Variants in SOS2 observed in about 807,000 individuals in gnomAD.
SOS2 encodes the protein son of sevenless homolog 2.
In SOS2, 65 loss-of-function variants were observed where a neutral mutation model predicts 148.2. That is an observed-to-expected ratio of 0.44 (90% confidence interval 0.36 to 0.54). The LOEUF is 0.54. SOS2 is among the 20% of genes least tolerant of loss of function. SOS2 has a pLI of 0.00. For synonymous variants in SOS2, 539 were observed against 537.1 expected, an observed-to-expected ratio of 1.00 and a Z score of -0.05; for missense variants, 1,341 against 1,590.2, an observed-to-expected ratio of 0.84 and a Z score of 2.67.
chr14:50,158,290 C>G (rs889586458), intron 11 of SOS2, among the ~76,000 whole-genome samples: 1 of 151,700 alleles, frequency 6.6e-6, no homozygotes, highest in Non-Finnish European at 1.5e-5. Flanking sequence ...CATTTTATTA[C>G]ACAGAACAAT....
chr14:50,145,759 A>G (rs1448484157), intron 14 of SOS2, among the ~76,000 whole-genome samples, 163 bp from the exon 15 acceptor site: 1 of 152,252 alleles, frequency 6.6e-6, no homozygotes, highest in Non-Finnish European at 1.5e-5. Context: ...TACAAACACG[A>G]AAACACACTT....
intron 1 of SOS2, among the ~76,000 whole-genome samples, chr14:50,209,383 C>T (rs1203073656): frequency 6.7e-6 from 1 of 148,290 alleles, no homozygotes; most frequent in Non-Finnish European, 1.5e-5. Context: ...AATAATGTAC[C>T]CATGCAGGAC....
At chr14:50,154,451 C>T (rs977197879) in intron 12 of SOS2, among the ~76,000 whole-genome samples, 14 of 152,052 alleles carry the variant, frequency 9.2e-5, no homozygotes, top group Admixed American at 2.6e-4. Context: ...CATACACATA[C>T]CTTCTGACCC....
intron 14 of SOS2, among the ~76,000 whole-genome samples, chr14:50,149,343 C>T (rs998802015): frequency 6.6e-6 from 1 of 152,022 alleles, no homozygotes; most frequent in Non-Finnish European, 1.5e-5. Context: ...GCCTGTCGTT[C>T]AAGGCAACAT....
chr14:50,153,962 C>A (rs991118071), intron 12 of SOS2, among the ~76,000 whole-genome samples: 5 of 149,866 alleles, frequency 3.3e-5, no homozygotes, highest in African/African-American at 1.0e-4. Flanking sequence ...TCTCTTATTT[C>A]ATTTCAAAAG....
At chr14:50,178,744 A>T (rs76525823) in intron 7 of SOS2, among the ~76,000 whole-genome samples, 17 of 140,378 alleles carry the variant, frequency 1.2e-4, no homozygotes, top group African/African-American at 2.9e-4. Context: ...ATATATATAT[A>T]TTTTTTGGAG....
chr14:50,118,408 C>G lies in SOS2; in HGVS notation c.3935G>C (p.Arg1312Pro), dbSNP rs772673873. Reference protein sequence around the residue: ...LPKLPPKTYKRELSHPPLYRL... With the variant: ...LPKLPPKTYKPELSHPPLYRL... Reference sequence around the variant, plus strand: ...GTACAATGGGGGGTGCGAAAGCTCCCGTTTGTAAGTCTTTGGTGGCAGTTT... The same window carrying G: ...GTACAATGGGGGGTGCGAAAGCTCCGGTTTGTAAGTCTTTGGTGGCAGTTT... The change falls in exon 23 of 23, where the codon CGG (arginine) becomes CCG (proline). Residue 1312 changes from arginine (R) to proline (P), a missense_variant. Arg to Pro is a moderately radical substitution (Grantham distance 103). Around this residue, in one of 4 missense-constraint regions of SOS2, gnomAD observed 354 missense variants for 347.7 expected, o/e 1.02. Coordinates refer to ENST00000216373, the MANE Select transcript of SOS2 (RefSeq NM_006939.4). The G allele has an allele frequency of 6.2e-7, 1 of 1,614,070 alleles. No individual in the cohort carries two copies. The highest frequency in any genetic ancestry group is 1.1e-5 in the South Asian group (1 of 91,080).
At chr14:50,228,263 C>T (rs1887440318) in intron 1 of SOS2, among the ~76,000 whole-genome samples, 2 of 151,892 alleles carry the variant, frequency 1.3e-5, no homozygotes, top group Non-Finnish European at 2.9e-5. Context: ...AGGCTGGTCA[C>T]GAACTCCTAA....
intron 7 of SOS2, among the ~76,000 whole-genome samples, chr14:50,179,633 G>T (rs988099621): frequency 6.6e-6 from 1 of 152,124 alleles, no homozygotes; most frequent in Non-Finnish European, 1.5e-5. Flanking sequence ...CCAAAGTGCT[G>T]GGATTATAGG....
chr14:50,149,907 G>T (rs749276415), intron 14 of SOS2, 101 bp downstream of exon 14: 2 of 815,658 alleles, frequency 2.5e-6, no homozygotes, highest in Non-Finnish European at 4.1e-6. Flanking sequence ...GAGTAGATGA[G>T]GTATTTTTAA....
chr14:50,183,547 T>G (rs1409996256), intron 5 of SOS2, among the ~76,000 whole-genome samples: 1 of 152,212 alleles, frequency 6.6e-6, no homozygotes, highest in East Asian at 1.9e-4. Context: ...AGATTCTAGA[T>G]AGTTTTTTTA....
intron 1 of SOS2, among the ~76,000 whole-genome samples, chr14:50,230,507 G>A (rs943962755): frequency 6.6e-6 from 1 of 152,190 alleles, no homozygotes; most frequent in Non-Finnish European, 1.5e-5. Flanking sequence ...AAACATGAAA[G>A]ACTGATTTGC....
intron 3 of SOS2, 100 bp from the exon 4 acceptor site, chr14:50,199,955 C>T: frequency 1.4e-6 from 1 of 701,332 alleles, no homozygotes; most frequent in Non-Finnish European, 2.4e-6. Flanking sequence ...AAAAAATTTT[C>T]TATTAACTAC....
chr14:50,122,992 C>A (rs1002807604), intron 21 of SOS2, among the ~76,000 whole-genome samples: 1 of 152,084 alleles, frequency 6.6e-6, no homozygotes, highest in Non-Finnish European at 1.5e-5. Context: ...CCTTATGGAA[C>A]TTATAATCTA....
At chr14:50,184,006 C>T (rs946901217) in intron 5 of SOS2, among the ~76,000 whole-genome samples, 1 of 152,190 alleles carries the variant, frequency 6.6e-6, no homozygotes, top group African/African-American at 2.4e-5. Context: ...CAGCATGTTA[C>T]TGTATGGAAT....
In SOS2 at chr14:50,198,135, AC is replaced by A. The variant is rs567516945; in HGVS notation, c.510+1555del. 9.2e-5 allele frequency among the ~76,000 whole-genome samples: 14 copies of A among 152,220 alleles called. No homozygotes were observed. In the South Asian group the frequency reaches 1.0e-3, roughly 11 times the overall value. The stretch of plus-strand genomic sequence containing the variant: ...GGTAAAAAGATCATTAGGATATGTG[AC>A]AAAACTTGAATGATGTTTGAAAGTT... On this transcript the variant is annotated intron_variant, in intron 4 of 22. Coordinates refer to ENST00000216373, the MANE Select transcript of SOS2 (RefSeq NM_006939.4).
At chr14:50,212,188 A>G (rs1886893724) in intron 1 of SOS2, among the ~76,000 whole-genome samples, 1 of 152,254 alleles carries the variant, frequency 6.6e-6, no homozygotes, top group Admixed American at 6.5e-5. Flanking sequence ...TAAGAAAATC[A>G]AAACAGGCCA....
Position 50,190,757 on chromosome 14 carries a change from C to T in SOS2, c.511-2057G>A, listed in dbSNP as rs913543078. ...CTTCCTAATCTCATGTTCTGTGACA[C>T]TCTCAAATCCCTCCCTTCCCCACTG... On this transcript the variant is annotated intron_variant, in intron 4 of 22. Transcript: ENST00000216373. Among the ~76,000 whole-genome samples the T allele has an allele frequency of 1.3e-5, 2 of 152,152 alleles. 1 individual carries two copies. The highest frequency in any genetic ancestry group is 4.8e-5 in the African/African-American group (2 of 41,432).
intron 21 of SOS2, among the ~76,000 whole-genome samples, chr14:50,122,391 C>CTTTTTTTTTTTTTTCTTTTT (rs1883542725): frequency 1.1e-5 from 1 of 88,306 alleles, no homozygotes; most frequent in African/African-American, 4.8e-5. Context: ...GAACCCTGGG[C>CTTTTTTTTTTTTTTCTTTTT]TTTTTTTTTT....
Sources: gnomAD v4.1 joint callset for allele counts (sites outside exome capture counted in the v4.1 genomes callset) on GRCh38, gnomAD v4.1.1 for gene constraint, gnomAD v4.1.1 regional missense constraint, MANE v1.5 for transcripts, NCBI Gene and HGNC (gene_info 2026-07-23, HGNC 2026-07-21) for gene names.